Variants in CCDC61 observed in about 807,000 individuals in gnomAD.
CCDC61 encodes coiled-coil domain containing 61.
Under a neutral mutation model 63.0 loss-of-function variants are expected in CCDC61, and 55 were observed. The ratio of observed to expected loss-of-function variants is 0.87; its 90% CI spans 0.70 to 1.09. The LOEUF is 1.09. CCDC61 is among the 50% of genes least tolerant of loss of function. CCDC61 has a pLI of 0.00. For missense variants in CCDC61, 651 were observed against 731.4 expected, an observed-to-expected ratio of 0.89 and a Z score of 1.27; for synonymous variants, 270 against 317.0, an observed-to-expected ratio of 0.85 and a Z score of 1.58.
At position 46,015,505 on chromosome 19, in the gene CCDC61, G is replaced by A; in HGVS notation, c.845+78G>A. 1 of 1,291,322 alleles carries A rather than the reference G, an allele frequency of 7.7e-7. No individual in the cohort carries two copies. Among genetic ancestry groups the A allele is most frequent in the Admixed American group, 2.2e-5 (1 of 44,678 alleles). The allele number at this position is 1,291,322 out of a possible 1,614,324, so 80.0% of individuals were successfully genotyped here. A position where few individuals can be genotyped will look rare whatever the true frequency, so the allele number is the denominator to read the frequency against. On this transcript the variant is annotated intron_variant, in intron 7 of 13. Coordinates refer to ENST00000595358, the MANE Select transcript of CCDC61 (RefSeq NM_001267723.2). This position sits in a 1 kb window ranked among gnomAD's most constrained non-coding sequence, Gnocchi z 5.3. The stretch of plus-strand genomic sequence containing the variant: ...TGGAGGCTGATGAGGCGGAGCCTAA[G>A]GGGGCGGGGCGGGGCCAGGTAGGGT...
rs1419753483 is a variant in CCDC61 at position 46,018,397 on chromosome 19, G to A, written c.*10G>A. ...GGACATGCGGTCATAACGTGGAGAA[G>A]GGGTACTACCCCTCCATCCCCCACC... On this transcript the variant is annotated 3_prime_UTR_variant, in exon 14 of 14. Coordinates refer to ENST00000595358, the MANE Select transcript of CCDC61 (RefSeq NM_001267723.2). This position sits in a 1 kb window ranked among gnomAD's most constrained non-coding sequence, Gnocchi z 4.2. The A allele has an allele frequency of 6.4e-7, 1 of 1,555,828 alleles. No individual in the cohort carries two copies. Among genetic ancestry groups the A allele is most frequent in the Non-Finnish European group, 8.7e-7 (1 of 1,148,932 alleles).
Position 46,015,423 on chromosome 19 carries a change from AG to A in CCDC61, c.845+1del. The A allele has an allele frequency of 1.3e-6, 2 of 1,566,010 alleles. No homozygotes were observed. The highest frequency in any genetic ancestry group is 8.6e-7 in the Non-Finnish European group (1 of 1,158,548). On this transcript the variant is annotated frameshift_variant, in exon 7 of 14. Coordinates refer to ENST00000595358, the MANE Select transcript of CCDC61 (RefSeq NM_001267723.2). LOFTEE classifies it high-confidence loss of function. This position sits in a 1 kb window ranked among gnomAD's most constrained non-coding sequence, Gnocchi z 5.3. ...TLTSELALYK[R>X]GRRTPPVQPP... is the part of the protein sequence containing the mutation. ...GACCAGCGAGCTGGCATTGTACAAG[AG>A]GGGGTGAGAGCGAGGCCTGCCAGGC...
chr19:46,002,772 A>C (rs1029715407), intron 1 of CCDC61, among the ~76,000 whole-genome samples: 13 of 152,182 alleles, frequency 8.5e-5, no homozygotes, highest in Admixed American at 8.5e-4. Context: ...TCCAGGTCAC[A>C]GTACCAAGTA....
Position 46,018,296 on chromosome 19 carries a change from G to T in CCDC61, c.1448G>T (p.Ser483Ile). 6.4e-7 allele frequency: 1 copy of T among 1,566,896 alleles called. No homozygotes were observed. Among genetic ancestry groups the T allele is most frequent in the Admixed American group, 1.9e-5 (1 of 52,792 alleles). ...SGGWVPIKEY[S>I]SEHQAADMAE... ...CCCACACCTGCTCTCACAGAGTACA[G>T]CTCGGAGCACCAGGCGGCTGACATG... Residue 483 changes from serine (S) to isoleucine (I), a missense_variant, in exon 14 of 14, where the codon AGC becomes ATC. Ser to Ile is a moderately radical substitution (Grantham distance 142). Transcript: ENST00000595358. This position sits in a 1 kb window ranked among gnomAD's most constrained non-coding sequence, Gnocchi z 4.2.
intron 1 of CCDC61, among the ~76,000 whole-genome samples, chr19:45,997,389 A>T (rs1000942758): frequency 6.6e-6 from 1 of 151,338 alleles, no homozygotes; most frequent in Non-Finnish European, 1.5e-5. Flanking sequence ...CCTGATATAG[A>T]TTATTATTAT....
intron 5 of CCDC61, among the ~76,000 whole-genome samples, chr19:46,013,499 G>T (rs1238388291): frequency 6.6e-6 from 1 of 151,904 alleles, no homozygotes; most frequent in Non-Finnish European, 1.5e-5. Flanking sequence ...TAGTTTCTAG[G>T]GATAATAACA....
intron 5 of CCDC61, among the ~76,000 whole-genome samples, chr19:46,013,983 A>T (rs1968877307): frequency 6.6e-6 from 1 of 152,034 alleles, no homozygotes; most frequent in South Asian, 2.1e-4. Context: ...ACCAACTTTG[A>T]TATAGAGTTA....
At chr19:46,010,364 G>A (rs950873504) in intron 5 of CCDC61, among the ~76,000 whole-genome samples, 1 of 152,204 alleles carries the variant, frequency 6.6e-6, no homozygotes, top group African/African-American at 2.4e-5. Context: ...CAGAAAGGTG[G>A]GATCCACATG....
intron 1 of CCDC61, among the ~76,000 whole-genome samples, chr19:45,999,347 A>T (rs1405721144): frequency 6.6e-6 from 1 of 151,658 alleles, no homozygotes; most frequent in African/African-American, 2.4e-5. Context: ...ATCCAGCCTC[A>T]ATTCACCCAC....
chr19:46,004,710 C>G lies in CCDC61; in HGVS notation c.231+1209C>G, dbSNP rs1393872906. Among the ~76,000 whole-genome samples the G allele has an allele frequency of 2.6e-5, 4 of 152,106 alleles. No homozygotes were observed. The South Asian group carries it at 6.2e-4, about 24-fold the overall frequency. On this transcript the variant is annotated intron_variant, in intron 3 of 13. Coordinates refer to ENST00000595358, the MANE Select transcript of CCDC61 (RefSeq NM_001267723.2). ...GAATACCTGATCTCAAGTAATCCTCCTGCCTTGGCTTCCCAAAGTGTTGCA... is the reference window on the plus strand; with the variant it reads ...GAATACCTGATCTCAAGTAATCCTCGTGCCTTGGCTTCCCAAAGTGTTGCA...
intron 1 of CCDC61, among the ~76,000 whole-genome samples, chr19:46,001,152 C>A (rs1968584300): frequency 6.6e-6 from 1 of 152,078 alleles, no homozygotes; most frequent in Admixed American, 6.6e-5. Flanking sequence ...CCAGTGCTGC[C>A]ACGCACTGCA....
At chr19:46,010,914 C>A (rs1194641494) in intron 5 of CCDC61, among the ~76,000 whole-genome samples, 1 of 152,238 alleles carries the variant, frequency 6.6e-6, no homozygotes, top group African/African-American at 2.4e-5. Context: ...AGGATGTCAT[C>A]TGAAACCCAC....
In CCDC61 at chr19:46,015,449, C is replaced by T. The variant is rs931358374; in HGVS notation, c.845+22C>T. ...GGGGGTGAGAGCGAGGCCTGCCAGG[C>T]GCCTGGGCGGATGGGCGGGCCCTGA... On this transcript the variant is annotated intron_variant, in intron 7 of 13. Transcript: ENST00000595358. This position sits in a 1 kb window ranked among gnomAD's most constrained non-coding sequence, Gnocchi z 5.3. 42 of 1,522,960 alleles carry T rather than the reference C, an allele frequency of 2.8e-5. No homozygotes were observed. The highest frequency in any genetic ancestry group is 3.7e-5 in the Non-Finnish European group (42 of 1,131,462). 94.3% of individuals were successfully genotyped at this position (1,522,960 alleles called of 1,614,324 possible).
At position 46,015,135 on chromosome 19, in the gene CCDC61, GC is replaced by G. The variant is rs1968900854; in HGVS notation, c.640del (p.Gln214ArgfsTer56). The G allele has an allele frequency of 6.2e-6, 8 of 1,282,078 alleles. No homozygotes were observed. Among genetic ancestry groups the G allele is most frequent in the South Asian group, 2.5e-5 (1 of 40,092 alleles). 79.4% of individuals were successfully genotyped at this position (1,282,078 alleles called of 1,614,324 possible). On this transcript the variant is annotated frameshift_variant, in exon 6 of 14. Transcript: ENST00000595358. LOFTEE classifies it high-confidence loss of function. The surrounding 1 kb of genome is among the most constrained non-coding windows in gnomAD (Gnocchi z 5.3). The stretch of plus-strand genomic sequence containing the variant: ...GAGGCGCTGGCCGGGCGCGCGGCAC[GC>G]CAGGAGGCCGAGGCGCTGCGCGGGC... ...REEALAGRAA[R>X]QEAEALRGLV...
intron 5 of CCDC61, among the ~76,000 whole-genome samples, chr19:46,008,624 A>G (rs1389193013): frequency 6.6e-6 from 1 of 152,042 alleles, no homozygotes; most frequent in Non-Finnish European, 1.5e-5. Context: ...GGCCAGGCTG[A>G]TCTCAAACTC....
chr19:46,018,493 C>A lies in CCDC61; in HGVS notation c.*106C>A. The A allele has an allele frequency of 1.2e-6, 1 of 842,574 alleles. No individual in the cohort carries two copies. The highest frequency in any genetic ancestry group is 1.9e-6 in the Non-Finnish European group (1 of 531,812). The allele number at this position is 842,574 out of a possible 1,614,324, so 52.2% of individuals were successfully genotyped here. ...GCCCTGCCCAGTCCCTGCCCTGGCC[C>A]CGTCCCTCCTGCTGCCCCTGGGGTC... On this transcript the variant is annotated 3_prime_UTR_variant, in exon 14 of 14. Coordinates refer to ENST00000595358, the MANE Select transcript of CCDC61 (RefSeq NM_001267723.2). The surrounding 1 kb of genome is among the most constrained non-coding windows in gnomAD (Gnocchi z 4.2).
chr19:46,008,846 G>C (rs570320820), intron 5 of CCDC61, among the ~76,000 whole-genome samples: 2 of 152,246 alleles, frequency 1.3e-5, no homozygotes, highest in East Asian at 3.9e-4. Flanking sequence ...GAAGGCTCTG[G>C]GTGGGGTACC....
rs1200596683 is a variant in CCDC61, at chr19:46,016,764, A to G, written c.1162A>G (p.Thr388Ala). The change falls in exon 10 of 14, where the codon ACC becomes GCC. Residue 388 changes from threonine to alanine, a missense_variant. Coordinates refer to ENST00000595358, the MANE Select transcript of CCDC61 (RefSeq NM_001267723.2). This position sits in a 1 kb window ranked among gnomAD's most constrained non-coding sequence, Gnocchi z 7.2. ...TCCGTCCGTCTCCTGGTCTCGCCAGACCCAGCCCCCTGCTGCCTTGACTGG... is the reference window on the plus strand; with the variant it reads ...TCCGTCCGTCTCCTGGTCTCGCCAGGCCCAGCCCCCTGCTGCCTTGACTGG... ...DGPSVSWSRQ[T>A]QPPAALTGRG... 1.3e-6 allele frequency: 2 copies of G among 1,582,452 alleles called. No homozygotes were observed. Among genetic ancestry groups the G allele is most frequent in the Non-Finnish European group, 1.7e-6 (2 of 1,165,388 alleles).
rs933611768 is a variant in CCDC61 at position 46,016,238 on chromosome 19, C to G, written c.1015+15C>G. 6.3e-7 allele frequency: 1 copy of G among 1,579,294 alleles called. No homozygotes were observed. Among genetic ancestry groups the G allele is most frequent in the African/African-American group, 1.3e-5 (1 of 74,154 alleles). ...CTCGCCCACAGGTCTGTGCCCCTGC[C>G]CTGCGGTAGGGAGGGGACGCACTGG... On this transcript the variant is annotated intron_variant, in intron 8 of 13. Coordinates refer to ENST00000595358, the MANE Select transcript of CCDC61 (RefSeq NM_001267723.2). This position sits in a 1 kb window ranked among gnomAD's most constrained non-coding sequence, Gnocchi z 7.2.
Sources: gnomAD v4.1 joint callset for allele counts (sites outside exome capture counted in the v4.1 genomes callset) on GRCh38, gnomAD v4.1.1 for gene constraint, Gnocchi (gnomAD v3.1) non-coding constraint, MANE v1.5 for transcripts, NCBI Gene and HGNC (gene_info 2026-07-23, HGNC 2026-07-21) for gene names.